Variants in STK33 observed in about 807,000 individuals in gnomAD.
The protein encoded by STK33 is serine/threonine kinase 33, also known as serine/threonine-protein kinase 33.
In STK33, 52 loss-of-function variants were observed where a neutral mutation model predicts 58.0. The observed-to-expected ratio is 0.90, with a 90% CI of 0.72 to 1.13. STK33 has a LOEUF of 1.13. STK33 is among the 50% of genes most tolerant of loss of function. The pLI is 0.00. For synonymous variants in STK33, 215 were observed against 200.1 expected (o/e 1.07, Z -0.63); for missense variants, 630 against 604.2 (o/e 1.04, Z -0.45).
At chr11:8,364,812 C>A in the STK33 span, among the ~76,000 whole-genome samples, 1 of 152,184 alleles carries the variant, frequency 6.6e-6, no homozygotes, top group Non-Finnish European at 1.5e-5. Flanking sequence ...AGGGGTTGTA[C>A]CAGTTTTGCT....
Position 8,461,912 on chromosome 11 carries a change from T to C in STK33, c.454-3A>G. The C allele has an allele frequency of 6.4e-7, 1 of 1,574,472 alleles. No homozygotes were observed. The highest frequency in any genetic ancestry group is 8.6e-7 in the Non-Finnish European group (1 of 1,163,590). On this transcript the variant is annotated splice_region_variant and splice_polypyrimidine_tract_variant and intron_variant, in intron 7 of 15. Coordinates refer to ENST00000687296, the MANE Select transcript of STK33 (RefSeq NM_001352389.2). ...AACTTCACAGCAGAGCTTCCAGCCT[T>C]AATCAATGAAGAAACACAGATTTCA...
chr11:8,586,892 A>G (rs1029531454), intron 1 of STK33, among the ~76,000 whole-genome samples: 3 of 151,632 alleles, frequency 2.0e-5, no homozygotes, highest in African/African-American at 4.8e-5. Flanking sequence ...TGAGCTCGAC[A>G]TGGAGTGTAT....
In STK33 at chr11:8,470,395, C is replaced by T. The variant is rs1247290470; in HGVS notation, c.339+2768G>A. On this transcript the variant is annotated intron_variant, in intron 6 of 15. Transcript: ENST00000687296. The stretch of plus-strand genomic sequence containing the variant: ...AAACAGGGCCTTGCTCTGGATTAGG[C>T]TTTGGCTTAAGGAATCTTGTGCTTG... 2.6e-5 allele frequency among the ~76,000 whole-genome samples: 4 copies of T among 152,198 alleles called. No homozygotes were observed. In the South Asian group the frequency reaches 8.3e-4, roughly 31 times the overall value.
chr11:8,435,635 C>A, intron 13 of STK33, 56 bp from the exon 14 acceptor site: 1 of 1,098,836 alleles, frequency 9.1e-7, no homozygotes, highest in Non-Finnish European at 1.2e-6. Context: ...TAATAGCATA[C>A]ATTTTACAAT....
At chr11:8,433,536 A>G (rs1490419206) in intron 14 of STK33, among the ~76,000 whole-genome samples, 1 of 152,142 alleles carries the variant, frequency 6.6e-6, no homozygotes, top group African/African-American at 2.4e-5. Flanking sequence ...CATATATTCA[A>G]TTATCTGTTT....
intron 1 of STK33, among the ~76,000 whole-genome samples, chr11:8,521,254 C>CA (rs1953404215): frequency 6.6e-6 from 1 of 152,122 alleles, no homozygotes; most frequent in Non-Finnish European, 1.5e-5. Context: ...ACCAAAACAG[C>CA]ATGGTACTGG....
At chr11:8,482,176 C>T (rs1206804582) in intron 1 of STK33, among the ~76,000 whole-genome samples, 1 of 152,096 alleles carries the variant, frequency 6.6e-6, no homozygotes, top group Non-Finnish European at 1.5e-5. Flanking sequence ...GTAGCCAGAA[C>T]AAAAGCATTT....
At chr11:8,461,187 T>C (rs1383225938) in intron 8 of STK33, among the ~76,000 whole-genome samples, 1 of 152,146 alleles carries the variant, frequency 6.6e-6, no homozygotes, top group Non-Finnish European at 1.5e-5. Flanking sequence ...CCACAGTCCA[T>C]ACGCCTAATC....
At chr11:8,511,386 G>A (rs1212035181) in intron 1 of STK33, among the ~76,000 whole-genome samples, 3 of 151,832 alleles carry the variant, frequency 2.0e-5, no homozygotes, top group African/African-American at 7.2e-5. Context: ...AAGGTTTTTG[G>A]TAGGGCTTTC....
chr11:8,527,676 C>T (rs1027770081), intron 1 of STK33, among the ~76,000 whole-genome samples: 1 of 152,014 alleles, frequency 6.6e-6, no homozygotes, highest in East Asian at 1.9e-4. Context: ...TAGACCAGAG[C>T]AAGATAACCA....
At chr11:8,575,144 G>T (rs2141221241) in intron 1 of STK33, among the ~76,000 whole-genome samples, 1 of 152,286 alleles carries the variant, frequency 6.6e-6, no homozygotes, top group East Asian at 1.9e-4. Context: ...CTCATACATT[G>T]CTGCTGGGAA....
At chr11:8,548,710 C>T (rs1956111262) in intron 1 of STK33, among the ~76,000 whole-genome samples, 1 of 152,144 alleles carries the variant, frequency 6.6e-6, no homozygotes, top group African/African-American at 2.4e-5. Flanking sequence ...ATGAACACTT[C>T]AACAATATTA....
rs541731877 is a variant in STK33, at chr11:8,490,926, C to G, written c.-465-10312G>C. ...CAAAAAGGATATCCACACCAAAACC[C>G]CATCTGTAGGTCACCAACATCAAAG... On this transcript the variant is annotated intron_variant, in intron 1 of 15. Transcript: ENST00000687296. 3.9e-5 allele frequency among the ~76,000 whole-genome samples: 6 copies of G among 152,208 alleles called. No homozygotes were observed. The South Asian group carries it at 1.2e-3, about 32-fold the overall frequency.
At chr11:8,389,182 G>C (rs1305429242), downstream of STK33, among the ~76,000 whole-genome samples, 7 of 152,262 alleles carry the variant, frequency 4.6e-5, no homozygotes, top group East Asian at 1.3e-3. Flanking sequence ...AGGGCAACAG[G>C]CTGGTCTTGG....
Position 8,454,737 on chromosome 11 carries a change from A to C in STK33, c.786+7T>G. 6.4e-7 allele frequency: 1 copy of C among 1,566,764 alleles called. No homozygotes were observed. The highest frequency in any genetic ancestry group is 8.7e-7 in the Non-Finnish European group (1 of 1,155,520). ...AGGCAAATATTTACCACCATTGCTAATCTTACCTTTATGTTTAAGTTTATT... is the reference window on the plus strand; with the variant it reads ...AGGCAAATATTTACCACCATTGCTACTCTTACCTTTATGTTTAAGTTTATT... On this transcript the variant is annotated splice_region_variant and intron_variant, in intron 10 of 15. Coordinates refer to ENST00000687296, the MANE Select transcript of STK33 (RefSeq NM_001352389.2).
the STK33 span, among the ~76,000 whole-genome samples, chr11:8,362,774 C>T: frequency 1.3e-5 from 2 of 152,170 alleles, no homozygotes; most frequent in Admixed American, 6.5e-5. Flanking sequence ...TCCTCAGCAG[C>T]AGCCAGCTTC....
At chr11:8,377,215 T>C in the STK33 span, among the ~76,000 whole-genome samples, 1 of 152,216 alleles carries the variant, frequency 6.6e-6, no homozygotes, top group Non-Finnish European at 1.5e-5. Flanking sequence ...ACCCCTATAG[T>C]TGTGGGGTTG....
rs552410500 is a variant in STK33, at chr11:8,575,804, T to C, written c.-466+18279A>G. Among the ~76,000 whole-genome samples, 6 of 152,294 alleles carry C rather than the reference T, an allele frequency of 3.9e-5. No individual in the cohort carries two copies. The East Asian group carries it at 1.2e-3, about 29-fold the overall frequency. On this transcript the variant is annotated intron_variant, in intron 1 of 15. Transcript: ENST00000687296. ...AAGTAGGGTTCATCCTAAAAATGTA[T>C]GGTTGGGTTAACGTTTGAAAATCAA...
chr11:8,583,239 C>T (rs566204205), intron 1 of STK33, among the ~76,000 whole-genome samples: 6 of 152,280 alleles, frequency 3.9e-5, no homozygotes, highest in Admixed American at 2.0e-4. Flanking sequence ...GTCTTTTCTA[C>T]AACCCCAACA....
Sources: allele counts gnomAD v4.1 joint callset (sites outside exome capture counted in the v4.1 genomes callset), GRCh38; gene constraint gnomAD v4.1.1; transcripts MANE v1.5; gene names NCBI Gene and HGNC (gene_info 2026-07-23, HGNC 2026-07-21).